MEGF6: variants seen among roughly 807,000 people sequenced by gnomAD.
MEGF6 encodes multiple epidermal growth factor-like domains protein 6.
In MEGF6, 184 loss-of-function variants were observed where a neutral mutation model predicts 207.1. The observed-to-expected ratio is 0.89, with a 90% CI of 0.79 to 1.00. The LOEUF (loss-of-function observed/expected upper bound fraction) is 1.00. MEGF6 is among the 50% of genes least tolerant of loss of function. The pLI, the probability that MEGF6 is intolerant of heterozygous loss-of-function variation, is 0.00. For missense variants in MEGF6, 2,282 were observed against 2,202.9 expected, an observed-to-expected ratio of 1.04 and a Z score of -0.72; for synonymous variants, 1,038 against 910.0, an observed-to-expected ratio of 1.14 and a Z score of -2.53.
chr1:3,519,310 C>T (rs1046453899), intron 5 of MEGF6, among the ~76,000 whole-genome samples: 5 of 152,256 alleles, frequency 3.3e-5, no homozygotes, highest in African/African-American at 1.2e-4. Flanking sequence ...CCCTATTGGC[C>T]TACCAGGGGC....
intron 4 of MEGF6, among the ~76,000 whole-genome samples, chr1:3,561,144 G>A (rs535498207): frequency 2.0e-5 from 3 of 152,318 alleles, no homozygotes; most frequent in East Asian, 1.9e-4. Flanking sequence ...CAGGTCGGGT[G>A]GAGGCTGCAC....
Position 3,505,389 on chromosome 1 carries a change from C to T in MEGF6, c.2053+33G>A, listed in dbSNP as rs376517864. The T allele has an allele frequency of 4.2e-5, 66 of 1,574,756 alleles. No individual in the cohort carries two copies. In the Middle Eastern group the frequency reaches 5.0e-4, roughly 12 times the overall value. On this transcript the variant is annotated intron_variant, in intron 16 of 36. Coordinates refer to ENST00000356575, the MANE Select transcript of MEGF6 (RefSeq NM_001409.4). ...TGGGTGGGGTTAACCGACCCTGGCG[C>T]CCCCCGCCCCCAGACCCCATGCCTG... is the stretch of plus-strand genomic sequence containing the variant.
chr1:3,551,633 A>G (rs1642886407), intron 4 of MEGF6, among the ~76,000 whole-genome samples: 1 of 152,072 alleles, frequency 6.6e-6, no homozygotes, highest in Non-Finnish European at 1.5e-5. Context: ...TCTGACTTAT[A>G]TTGCCACAGC....
intron 1 of MEGF6, among the ~76,000 whole-genome samples, chr1:3,610,147 T>G (rs59839028): frequency 0.086 from 13,091 of 152,294 alleles, 1,188 homozygotes; most frequent in African/African-American, 0.22. Context: ...AGCATGGCTT[T>G]GAAAAGGCCT....
At position 3,611,179 on chromosome 1, in the gene MEGF6, G is replaced by A. The variant is rs1644319540; in HGVS notation, c.90C>T (p.Ala30=). The A allele has an allele frequency of 1.3e-6, 2 of 1,549,644 alleles. No homozygotes were observed. The highest frequency in any genetic ancestry group is 2.8e-5 in the African/African-American group (2 of 70,806). The change falls in exon 1 of 37, where the codon GCC becomes GCT. Residue 30 remains alanine (A), a synonymous_variant. Transcript: ENST00000356575. The part of the protein sequence containing the change: ...LLLLPAVPVG[A]SVPPRPLLPL... ...GGAGCAGGGGCCGCGGCGGAACGCT[G>A]GCGCCCACGGGCACGGCGGGGAGCA...
intron 4 of MEGF6, among the ~76,000 whole-genome samples, chr1:3,543,584 G>A (rs1404245661): frequency 6.6e-6 from 1 of 152,090 alleles, no homozygotes; most frequent in African/African-American, 2.4e-5. Context: ...GGGAGGCGGG[G>A]CGAGGCCAGG....
intron 4 of MEGF6, among the ~76,000 whole-genome samples, chr1:3,561,164 A>C (rs2101642001): frequency 6.6e-6 from 1 of 152,280 alleles, no homozygotes. Flanking sequence ...CGCAGACCTG[A>C]GGCTGATGGA....
chr1:3,517,568 C>T (rs1220947902), intron 5 of MEGF6, among the ~76,000 whole-genome samples: 1 of 152,232 alleles, frequency 6.6e-6, no homozygotes, highest in East Asian at 1.9e-4. Context: ...ATATGCAGCT[C>T]AGGAGGGGCC....
At chr1:3,512,186 G>T in intron 7 of MEGF6, 58 bp from the exon 8 acceptor site, 1 of 1,546,802 alleles carries the variant, frequency 6.5e-7, no homozygotes, top group Non-Finnish European at 8.8e-7. Flanking sequence ...CTTTGCATGG[G>T]ACCAGTGGAA....
chr1:3,566,117 C>A (rs1643337315), intron 4 of MEGF6, among the ~76,000 whole-genome samples: 1 of 152,190 alleles, frequency 6.6e-6, no homozygotes, highest in Non-Finnish European at 1.5e-5. Flanking sequence ...AGGCTGTCAG[C>A]ACCTCAGTCA....
At chr1:3,617,894 A>G in the MEGF6 span, among the ~76,000 whole-genome samples, 3 of 152,256 alleles carry the variant, frequency 2.0e-5, no homozygotes, top group Admixed American at 6.5e-5. Context: ...TGGGAGAGAG[A>G]CAGGCTGGCC....
chr1:3,496,718 A>T lies in MEGF6; in HGVS notation c.3679T>A (p.Cys1227Ser). 1.3e-6 allele frequency: 2 copies of T among 1,559,912 alleles called. No homozygotes were observed. The highest frequency in any genetic ancestry group is 1.7e-6 in the Non-Finnish European group (2 of 1,152,592). The change falls in exon 29 of 37, where the codon TGT becomes AGT. Residue 1227 changes from cysteine to serine, a missense_variant. Physicochemically the swap from Cys to Ser is moderately radical, Grantham distance 112 (BLOSUM62 -1). Transcript: ENST00000356575. The stretch of plus-strand genomic sequence containing the variant: ...CGGCAGGCCCCCGTGGCCGCATCAC[A>T]GGAGCCCCCGTTGAGACACCCACAC... ...QLCGCLNGGSCDAATGACRCP... is the reference protein window; with the variant it reads ...QLCGCLNGGSSDAATGACRCP...
At chr1:3,510,104 C>A (rs879533680) in intron 10 of MEGF6, 112 bp from the exon 11 acceptor site, 478 of 1,376,090 alleles carry the variant, frequency 3.5e-4, no homozygotes, top group Non-Finnish European at 4.4e-4. Flanking sequence ...CCTGCCAGAG[C>A]TGAGTAGCAT....
At chr1:3,510,678 G>A (rs1001245641) in intron 10 of MEGF6, 105 bp downstream of exon 10, 17 of 1,427,744 alleles carry the variant, frequency 1.2e-5, no homozygotes, top group African/African-American at 5.7e-5. Context: ...AGAGCAGGCC[G>A]ACCCCATGCC....
chr1:3,610,309 A>G (rs1371101311), intron 1 of MEGF6, among the ~76,000 whole-genome samples: 2 of 152,184 alleles, frequency 1.3e-5, no homozygotes, highest in African/African-American at 4.8e-5. Context: ...GCCCTAGAGC[A>G]CCAGGCCCTG....
At chr1:3,607,540 C>T (rs560225992) in intron 1 of MEGF6, among the ~76,000 whole-genome samples, 2 of 152,312 alleles carry the variant, frequency 1.3e-5, no homozygotes, top group Admixed American at 6.5e-5. Flanking sequence ...GCACCGCACC[C>T]GCACGGCCCC....
In MEGF6 at chr1:3,537,614, C is replaced by T. The variant is rs554238357; in HGVS notation, c.482-13368G>A. ...TGCAGCTCACTCTTCCCCGCTCCCA[C>T]GGAAGGCGGGAGAAGGCGGGTGTGG... is the stretch of plus-strand genomic sequence containing the variant. On this transcript the variant is annotated intron_variant, in intron 4 of 36. Transcript: ENST00000356575. 2.4e-4 allele frequency among the ~76,000 whole-genome samples: 36 copies of T among 152,374 alleles called. 1 individual carries two copies. The South Asian group carries it at 6.8e-3, about 29-fold the overall frequency.
At chr1:3,515,894 G>A (rs1641526107) in intron 5 of MEGF6, among the ~76,000 whole-genome samples, 1 of 152,232 alleles carries the variant, frequency 6.6e-6, no homozygotes, top group Admixed American at 6.5e-5. Context: ...GCAAGCGAGG[G>A]CTCAGTGCCC....
At chr1:3,559,545 A>AG (rs1404926841) in intron 4 of MEGF6, among the ~76,000 whole-genome samples, 3 of 143,560 alleles carry the variant, frequency 2.1e-5, no homozygotes, top group Admixed American at 1.4e-4. Context: ...AAAAAAAAAA[A>AG]AAGAAGAAGT....
Sources: gnomAD v4.1 joint callset for allele counts (sites outside exome capture counted in the v4.1 genomes callset) on GRCh38, gnomAD v4.1.1 for gene constraint, MANE v1.5 for transcripts, NCBI Gene and HGNC (gene_info 2026-07-23, HGNC 2026-07-21) for gene names.